COL13A1: variants seen among roughly 807,000 people sequenced by gnomAD.
The protein encoded by COL13A1 is collagen alpha-1(XIII) chain.
Under a neutral mutation model 130.9 loss-of-function variants are expected in COL13A1, and 89 were observed. That is an observed-to-expected ratio of 0.68 (90% CI 0.57 to 0.81). COL13A1 has a LOEUF of 0.81. Among genes scored for constraint, COL13A1 ranks in the 30% least tolerant of loss-of-function variants. The pLI is 0.00. For synonymous variants in COL13A1, 402 were observed against 341.6 expected (o/e 1.18, Z -1.95); for missense variants, 879 against 934.6 (o/e 0.94, Z 0.78).
intron 17 of COL13A1, among the ~76,000 whole-genome samples, chr10:69,912,481 C>T (rs2063488503): frequency 6.6e-6 from 1 of 152,140 alleles, no homozygotes; most frequent in African/African-American, 2.4e-5. Context: ...GCCCTCCACA[C>T]CTGGCTTTTC....
At chr10:69,846,387 G>C (rs1008010226) in intron 2 of COL13A1, among the ~76,000 whole-genome samples, 4 of 152,110 alleles carry the variant, frequency 2.6e-5, no homozygotes, top group South Asian at 4.1e-4. Flanking sequence ...GTTGGGGTTG[G>C]GGGGAGGGGC....
At chr10:69,887,582 TC>T in intron 8 of COL13A1, 91 bp downstream of exon 8, 1 of 1,382,530 alleles carries the variant, frequency 7.2e-7, no homozygotes, top group Non-Finnish European at 1.0e-6. Context: ...CCGGTTCCAC[TC>T]TTTCTCTCCC....
At chr10:69,871,948 C>T (rs1164570679) in intron 3 of COL13A1, among the ~76,000 whole-genome samples, 1 of 152,166 alleles carries the variant, frequency 6.6e-6, no homozygotes, top group Non-Finnish European at 1.5e-5. Context: ...CTAAAGGTTA[C>T]CCAAGTAGTA....
At chr10:69,885,149 CCCTTTTAA>C (rs879443059) in intron 7 of COL13A1, among the ~76,000 whole-genome samples, 2 of 152,250 alleles carry the variant, frequency 1.3e-5, no homozygotes, top group African/African-American at 4.8e-5. Context: ...CTGGGGAAGG[CCCTTTTAA>C]ACATGACACA....
chr10:69,872,085 A>G, intron 3 of COL13A1, 99 bp from the exon 4 acceptor site: 1 of 1,385,806 alleles, frequency 7.2e-7, no homozygotes, highest in Admixed American at 1.7e-5. Flanking sequence ...AGGCTTACCC[A>G]AGTGGCATGC....
At chr10:69,827,218 G>A (rs150974783) in intron 2 of COL13A1, among the ~76,000 whole-genome samples, 2,684 of 152,294 alleles carry the variant, frequency 0.018, 60 homozygotes, top group African/African-American at 0.02. Context: ...GGAGCTCAGA[G>A]CAGTAATGAG....
chr10:69,821,075 C>T (rs1376542938), intron 1 of COL13A1, among the ~76,000 whole-genome samples: 2 of 152,228 alleles, frequency 1.3e-5, no homozygotes, highest in Admixed American at 6.5e-5. Context: ...CATCCTAACT[C>T]GTCAACCTTG....
At chr10:69,940,946 C>T (rs561078070) in intron 34 of COL13A1, 42 bp from the exon 35 acceptor site, 4 of 1,613,750 alleles carry the variant, frequency 2.5e-6, no homozygotes, top group Non-Finnish European at 2.5e-6. Flanking sequence ...CCTCCCAATC[C>T]TCTCTTCCCC....
In COL13A1 at chr10:69,923,837, A is replaced by G. The variant is rs1208339062; in HGVS notation, c.1266A>G (p.Pro422=). Residue 422 remains proline (P), a synonymous_variant, in exon 24 of 41, where the codon CCA becomes CCG. Coordinates refer to ENST00000645393, the MANE Select transcript of COL13A1 (RefSeq NM_001368882.1). ...GTGTCGATGGCCAGGTTGGCCCCCC[A>G]GGGCAGCCAGGAGACAAGGTACAGA... ...EAGVDGQVGP[P]GQPGDKGERG... is the part of the protein sequence containing the mutation. 2 of 1,611,856 alleles carry G rather than the reference A, an allele frequency of 1.2e-6. No individual in the cohort carries two copies. Among genetic ancestry groups the G allele is most frequent in the Non-Finnish European group, 1.7e-6 (2 of 1,179,194 alleles).
At chr10:69,919,613 C>T (rs928227065) in intron 20 of COL13A1, 52 bp from the exon 21 acceptor site, 2 of 398,768 alleles carry the variant, frequency 5.0e-6, no homozygotes, top group African/African-American at 2.1e-5. Flanking sequence ...CATCCTACCC[C>T]TCACTGCCTG....
At chr10:69,903,469 G>A (rs942575) in intron 15 of COL13A1, among the ~76,000 whole-genome samples, 131,090 of 152,118 alleles carry the variant, frequency 0.86, 57,212 homozygotes, top group East Asian at 1. Flanking sequence ...CCCAGCGGCC[G>A]CCAAGTCACC....
chr10:69,827,672 T>C (rs1333589373), intron 2 of COL13A1, among the ~76,000 whole-genome samples: 1 of 152,334 alleles, frequency 6.6e-6, no homozygotes, highest in Middle Eastern at 3.4e-3. Flanking sequence ...GAGCTGCTAT[T>C]TACCTTTGGG....
intron 2 of COL13A1, chr10:69,824,065 G>A: frequency 2.1e-6 from 1 of 471,574 alleles, no homozygotes; most frequent in Non-Finnish European, 4.4e-6. Flanking sequence ...AGAGGATGTA[G>A]GTTTGAATTC....
At chr10:69,945,758 C>T (rs781467940) in intron 37 of COL13A1, 34 bp downstream of exon 37, 12 of 1,593,696 alleles carry the variant, frequency 7.5e-6, no homozygotes, top group South Asian at 6.8e-5. Context: ...TCCTCTCCTC[C>T]CACCCCTGCC....
chr10:69,857,220 G>A (rs1277921364), intron 2 of COL13A1, among the ~76,000 whole-genome samples: 1 of 152,184 alleles, frequency 6.6e-6, no homozygotes, highest in African/African-American at 2.4e-5. Flanking sequence ...AGGGGCCCAC[G>A]GAAGTAAGAA....
intron 2 of COL13A1, among the ~76,000 whole-genome samples, chr10:69,835,244 G>C (rs1160521649): frequency 6.6e-6 from 1 of 152,162 alleles, no homozygotes; most frequent in African/African-American, 2.4e-5. Context: ...TTCTGCCACA[G>C]TGACGCTAAA....
chr10:69,897,281 G>T (rs2061738302), intron 13 of COL13A1, among the ~76,000 whole-genome samples: 1 of 152,120 alleles, frequency 6.6e-6, no homozygotes, highest in Non-Finnish European at 1.5e-5. Context: ...TTTCCAAGGG[G>T]TTGGGTTGGG....
At position 69,830,108 on chromosome 10, in the gene COL13A1, T is replaced by A. The variant is rs746455263; in HGVS notation, c.364+7670T>A. Among the ~76,000 whole-genome samples the A allele has an allele frequency of 3.3e-5, 5 of 152,204 alleles. No homozygotes were observed. The South Asian group carries it at 6.2e-4, about 19-fold the overall frequency. Reference sequence around the variant, plus strand: ...CCTTGAAGGACTCTGAGCAGATTACTCTCCTCTCTCTGGGCTTTGGTTTCC... The same window carrying A: ...CCTTGAAGGACTCTGAGCAGATTACACTCCTCTCTCTGGGCTTTGGTTTCC... On this transcript the variant is annotated intron_variant, in intron 2 of 40. Transcript: ENST00000645393.
rs538774326 is a variant in COL13A1 at position 69,807,215 on chromosome 10, T to C, written c.294+4498T>C. ...CAATGCTATGCGTGTCACCACTATA[T>C]CTCTTTCAATCCTCACAACTTCCCT... is the stretch of plus-strand genomic sequence containing the variant. On this transcript the variant is annotated intron_variant, in intron 1 of 40. Transcript: ENST00000645393. Among the ~76,000 whole-genome samples the C allele has an allele frequency of 3.3e-5, 5 of 152,226 alleles. No homozygotes were observed. The South Asian group carries it at 1.0e-3, about 32-fold the overall frequency.
Sources: gnomAD v4.1 joint callset for allele counts (sites outside exome capture counted in the v4.1 genomes callset) on GRCh38, gnomAD v4.1.1 for gene constraint, MANE v1.5 for transcripts, NCBI Gene and HGNC (gene_info 2026-07-23, HGNC 2026-07-21) for gene names.